CMPK2: variants seen among roughly 807,000 people sequenced by gnomAD.
CMPK2 encodes the protein UMP-CMP kinase 2, mitochondrial.
A neutral mutation model predicts 33.4 loss-of-function variants in CMPK2; 32 were observed. The observed-to-expected ratio is 0.96, with a 90% CI of 0.72 to 1.29. The LOEUF is 1.29. Ranked by LOEUF, CMPK2 falls within the 50% of genes most tolerant of loss-of-function variation. CMPK2 has a pLI of 0.00. For synonymous variants in CMPK2, 299 were observed against 275.3 expected, an observed-to-expected ratio of 1.09 and a Z score of -0.85; for missense variants, 672 against 616.0, an observed-to-expected ratio of 1.09 and a Z score of -0.96.
At chr2:6,844,457 C>T (rs1318724085), downstream of CMPK2, among the ~76,000 whole-genome samples, 6 of 152,176 alleles carry the variant, frequency 3.9e-5, no homozygotes, top group African/African-American at 1.4e-4. Context: ...TCTATAAACG[C>T]TGAGAAATTT....
At chr2:6,855,260 T>G (rs1461379873) in intron 3 of CMPK2, among the ~76,000 whole-genome samples, 2 of 151,782 alleles carry the variant, frequency 1.3e-5, no homozygotes, top group African/African-American at 4.8e-5. Flanking sequence ...GATGGTGAGT[T>G]GTCATGAGAT....
chr2:6,858,377 T>A (rs1386373792), intron 3 of CMPK2, among the ~76,000 whole-genome samples: 2 of 152,202 alleles, frequency 1.3e-5, no homozygotes, highest in Non-Finnish European at 2.9e-5. Context: ...TTATGTATTA[T>A]TTTATGTATT....
At chr2:6,856,994 G>A (rs949236296) in intron 3 of CMPK2, among the ~76,000 whole-genome samples, 4 of 152,198 alleles carry the variant, frequency 2.6e-5, no homozygotes, top group African/African-American at 4.8e-5. Context: ...CAGTAGGCAG[G>A]AGCAATCTTC....
At chr2:6,851,286 T>C (rs1458798036) in intron 4 of CMPK2, 164 bp downstream of exon 4, 1 of 1,460,038 alleles carries the variant, frequency 6.8e-7, no homozygotes, top group Non-Finnish European at 9.1e-7. Context: ...AGCCCTGTGG[T>C]GACAAGCCCA....
chr2:6,848,801 T>C lies in CMPK2; in HGVS notation c.*1049A>G, dbSNP rs1662427381. ...TTTCCCCCTCACTCAGCTACTTTTT[T>C]CTGTCTAAAGATATGTCAAAGCGAT... On this transcript the variant is annotated 3_prime_UTR_variant, in exon 5 of 5. Coordinates refer to ENST00000256722, the MANE Select transcript of CMPK2 (RefSeq NM_207315.4). 3 of 985,704 alleles carry C rather than the reference T, an allele frequency of 3.0e-6. No homozygotes were observed. Among genetic ancestry groups the C allele is most frequent in the Non-Finnish European group, 3.6e-6 (3 of 829,896 alleles). 61.1% of individuals were successfully genotyped at this position (985,704 alleles called of 1,614,324 possible).
At chr2:6,843,749 C>G (rs567805232), downstream of CMPK2, among the ~76,000 whole-genome samples, 1 of 152,120 alleles carries the variant, frequency 6.6e-6, no homozygotes, top group Admixed American at 6.5e-5. Flanking sequence ...CTACTACAAC[C>G]GAGGGGCTAT....
intron 3 of CMPK2, among the ~76,000 whole-genome samples, chr2:6,854,971 G>A (rs911673254): frequency 1.3e-5 from 2 of 151,888 alleles, no homozygotes; most frequent in Admixed American, 6.6e-5. Context: ...AATGGACCTC[G>A]AAAGTCATAC....
At chr2:6,862,437 A>G (rs1193071675) in intron 2 of CMPK2, among the ~76,000 whole-genome samples, 1 of 152,234 alleles carries the variant, frequency 6.6e-6, no homozygotes, top group East Asian at 1.9e-4. Flanking sequence ...CTGCCACTCT[A>G]TGCTAACTCC....
chr2:6,846,171 TAGAA>T (rs1204343984), downstream of CMPK2, among the ~76,000 whole-genome samples: 5 of 152,268 alleles, frequency 3.3e-5, no homozygotes, highest in South Asian at 1.0e-3. Flanking sequence ...AGGCAAAAGT[TAGAA>T]AGAGAGATTT....
downstream of CMPK2, among the ~76,000 whole-genome samples, chr2:6,843,469 G>T (rs879265386): frequency 6.6e-6 from 1 of 152,082 alleles, no homozygotes; most frequent in Non-Finnish European, 1.5e-5. Context: ...AGTCCTTGAG[G>T]GGGTACTGCA....
At chr2:6,843,410 G>A (rs1157193584), downstream of CMPK2, among the ~76,000 whole-genome samples, 1 of 152,156 alleles carries the variant, frequency 6.6e-6, no homozygotes, top group East Asian at 1.9e-4. Flanking sequence ...AAGGGTTGTT[G>A]CAAGGTCCAA....
At chr2:6,851,266 A>G in intron 4 of CMPK2, 184 bp downstream of exon 4, 1 of 1,426,696 alleles carries the variant, frequency 7.0e-7, no homozygotes, top group Non-Finnish European at 9.2e-7. Flanking sequence ...CTTTAAGATA[A>G]CAATGCTGCA....
intron 3 of CMPK2, among the ~76,000 whole-genome samples, chr2:6,841,388 T>C (rs1394145049): frequency 2.0e-5 from 3 of 152,200 alleles, no homozygotes; most frequent in Non-Finnish European, 1.5e-5. Flanking sequence ...ATGCCATTTG[T>C]TGAGGGGATT....
downstream of CMPK2, among the ~76,000 whole-genome samples, chr2:6,846,761 T>C (rs1055888201): frequency 6.6e-6 from 1 of 152,152 alleles, no homozygotes; most frequent in Non-Finnish European, 1.5e-5. Context: ...GGCTAGGCCC[T>C]CTGTGAAAGC....
At position 6,848,505 on chromosome 2, in the gene CMPK2, A is replaced by C; in HGVS notation, c.*1345T>G. 1 of 969,342 alleles carries C rather than the reference A, an allele frequency of 1.0e-6. No individual in the cohort carries two copies. The highest frequency in any genetic ancestry group is 1.2e-6 in the Non-Finnish European group (1 of 815,232). 60.0% of individuals were successfully genotyped at this position (969,342 alleles called of 1,614,324 possible). A position where few individuals can be genotyped will look rare whatever the true frequency, so the allele number is the denominator to read the frequency against. ...ATCAGCTTTAAAATACTTTCAACTG[A>C]AATCAATTACATTTTAATATACACA... On this transcript the variant is annotated 3_prime_UTR_variant, in exon 5 of 5. Transcript: ENST00000256722.
At position 6,853,106 on chromosome 2, in the gene CMPK2, C is replaced by T. The variant is rs188838579; in HGVS notation, c.993-1423G>A. Among the ~76,000 whole-genome samples, 71 of 152,168 alleles carry T rather than the reference C, an allele frequency of 4.7e-4. 4 individuals carry two copies. The highest frequency in any genetic ancestry group is 4.3e-3 in the Admixed American group (66 of 15,280). Reference sequence around the variant, plus strand: ...CTGGGATTACAGGCATGCACCACCACGCCCGGCTAATTTTTGTATTTTTAA... The same window carrying T: ...CTGGGATTACAGGCATGCACCACCATGCCCGGCTAATTTTTGTATTTTTAA... On this transcript the variant is annotated intron_variant, in intron 3 of 4. Transcript: ENST00000256722.
downstream of CMPK2, among the ~76,000 whole-genome samples, chr2:6,845,609 C>A (rs1433817236): frequency 6.6e-6 from 1 of 152,154 alleles, no homozygotes; most frequent in Non-Finnish European, 1.5e-5. Flanking sequence ...TTCTGCCCTG[C>A]TGGATTCCTA....
downstream of CMPK2, among the ~76,000 whole-genome samples, chr2:6,846,254 T>G (rs952604140): frequency 2.0e-5 from 3 of 152,230 alleles, no homozygotes; most frequent in Admixed American, 1.3e-4. Context: ...ATAAAAGAAC[T>G]GTTTAAATTC....
At chr2:6,865,980 G>T, upstream of CMPK2, 2 of 931,560 alleles carry the variant, frequency 2.1e-6, no homozygotes, top group South Asian at 1.9e-5. Flanking sequence ...CCGCGGGCCT[G>T]CGCGGTCCCC....
Sources: allele counts gnomAD v4.1 joint callset (sites outside exome capture counted in the v4.1 genomes callset), GRCh38; gene constraint gnomAD v4.1.1; transcripts MANE v1.5; gene names NCBI Gene and HGNC (gene_info 2026-07-23, HGNC 2026-07-21).